ZFYVE28: variants seen among roughly 807,000 people sequenced by gnomAD.
ZFYVE28 encodes zinc finger FYVE-type containing 28.
In ZFYVE28, 40 loss-of-function variants were observed where a neutral mutation model predicts 82.1. The ratio of observed to expected loss-of-function variants is 0.49; its 90% CI spans 0.38 to 0.63. The LOEUF (loss-of-function observed/expected upper bound fraction) is 0.63, where lower values mean the gene tolerates loss of function less well. Among genes scored for constraint, ZFYVE28 ranks in the 30% least tolerant of loss-of-function variants. The probability of loss-of-function intolerance (pLI) is 0.00; values close to 1 mark genes in which losing one functional copy is unlikely to be tolerated. For missense variants in ZFYVE28, 1,321 were observed against 1,242.1 expected, an observed-to-expected ratio of 1.06 and a Z score of -0.96; for synonymous variants, 612 against 546.1, an observed-to-expected ratio of 1.12 and a Z score of -1.68.
intron 8 of ZFYVE28, among the ~76,000 whole-genome samples, chr4:2,288,790 T>TA (rs1193403793): frequency 6.7e-6 from 1 of 149,774 alleles, no homozygotes; most frequent in Non-Finnish European, 1.5e-5. Flanking sequence ...TCAGCCTGGG[T>TA]AACACAGTGA....
chr4:2,371,912 C>T (rs973149628), intron 1 of ZFYVE28, among the ~76,000 whole-genome samples: 33 of 151,946 alleles, frequency 2.2e-4, no homozygotes, highest in African/African-American at 8.0e-4. Context: ...GCTCCAGGGC[C>T]GTGAGCTGAT....
chr4:2,372,834 C>T lies in ZFYVE28; in HGVS notation c.40-18761G>A, dbSNP rs1234360678. 2.0e-5 allele frequency among the ~76,000 whole-genome samples: 3 copies of T among 152,130 alleles called. No individual in the cohort carries two copies. The highest frequency in any genetic ancestry group is 2.1e-4 in the South Asian group (1 of 4,826). ...ACCTAGCCTCCCCGAGGCCTCTCCC[C>T]ATGGCTGACTCACTGCAGCCTGGAC... On this transcript the variant is annotated intron_variant, in intron 1 of 12. Coordinates refer to ENST00000290974, the MANE Select transcript of ZFYVE28 (RefSeq NM_020972.3). This position sits in a 1 kb window ranked among gnomAD's most constrained non-coding sequence, Gnocchi z 5.2.
chr4:2,384,217 G>A (rs1193061452), intron 1 of ZFYVE28, among the ~76,000 whole-genome samples: 3 of 152,298 alleles, frequency 2.0e-5, no homozygotes, highest in South Asian at 2.1e-4. Flanking sequence ...TTCGACAAAC[G>A]CTGAGGAACC....
At chr4:2,330,749 G>T in intron 6 of ZFYVE28, 1 of 1,498,088 alleles carries the variant, frequency 6.7e-7, no homozygotes, top group Non-Finnish European at 8.9e-7. Context: ...GGACAGTGCG[G>T]GGGAGGGGAC....
rs550039563 is a variant in ZFYVE28, at chr4:2,409,984, A to T, written c.39+8301T>A. On this transcript the variant is annotated intron_variant, in intron 1 of 12. Transcript: ENST00000290974. The surrounding 1 kb of genome is among the most constrained non-coding windows in gnomAD (Gnocchi z 4.4). ...CCCCAAGTCAGCTGCCTACGCAGAA[A>T]GCCAAACTCAGGAACCATGGCTCTG... Among the ~76,000 whole-genome samples the T allele has an allele frequency of 2.0e-5, 3 of 152,350 alleles. No individual in the cohort carries two copies. The highest frequency in any genetic ancestry group is 4.4e-5 in the Non-Finnish European group (3 of 68,036).
intron 7 of ZFYVE28, among the ~76,000 whole-genome samples, chr4:2,309,257 T>G (rs777780530): frequency 6.6e-6 from 1 of 152,190 alleles, no homozygotes; most frequent in Non-Finnish European, 1.5e-5. Flanking sequence ...TGCCACGTTA[T>G]GACAGAGCAC....
At chr4:2,337,326 A>G in intron 5 of ZFYVE28, 81 bp downstream of exon 5, 1 of 1,286,276 alleles carries the variant, frequency 7.8e-7, no homozygotes, top group East Asian at 2.6e-5. Context: ...GTTCCCCCAG[A>G]GCTGCCCTCT....
intron 7 of ZFYVE28, 69 bp from the exon 8 acceptor site, chr4:2,305,605 G>T (rs1716447256): frequency 3.8e-6 from 6 of 1,580,906 alleles, no homozygotes; most frequent in Admixed American, 1.8e-5. Context: ...GCCAGGAGTG[G>T]ACGCAGCACC....
intron 7 of ZFYVE28, among the ~76,000 whole-genome samples, chr4:2,313,003 C>T (rs1020667120): frequency 1.3e-5 from 2 of 151,442 alleles, no homozygotes; most frequent in Non-Finnish European, 2.9e-5. Flanking sequence ...CAAGATCATG[C>T]GAACTGCACT....
intron 7 of ZFYVE28, among the ~76,000 whole-genome samples, chr4:2,308,683 G>GAAAGAAAGAAAGAAAGAGAAAGAAAGA (rs1553830773): frequency 3.2e-3 from 258 of 81,450 alleles, no homozygotes; most frequent in Non-Finnish European, 4.1e-3. Flanking sequence ...GAAAGAGAAA[G>GAAAGAAAGAAAGAAAGAGAAAGAAAGA]AAAGAAAAGA....
intron 1 of ZFYVE28, among the ~76,000 whole-genome samples, chr4:2,397,086 T>A (rs1730557923): frequency 6.6e-6 from 1 of 152,224 alleles, no homozygotes; most frequent in South Asian, 2.1e-4. Context: ...CAAACATTTT[T>A]CTATTATTTG....
chr4:2,296,264 G>C (rs372065237), intron 8 of ZFYVE28, among the ~76,000 whole-genome samples: 7 of 152,314 alleles, frequency 4.6e-5, no homozygotes, highest in East Asian at 1.9e-4. Flanking sequence ...CTTGCAGGGC[G>C]ATCACTGTCC....
At chr4:2,292,807 G>A (rs2108812473) in intron 8 of ZFYVE28, among the ~76,000 whole-genome samples, 1 of 152,252 alleles carries the variant, frequency 6.6e-6, no homozygotes, top group East Asian at 1.9e-4. Flanking sequence ...AGCTCCTCCT[G>A]GACAGCCATG....
At chr4:2,318,489 G>A (rs1055895739) in intron 7 of ZFYVE28, among the ~76,000 whole-genome samples, 9 of 152,288 alleles carry the variant, frequency 5.9e-5, no homozygotes, top group African/African-American at 9.6e-5. Context: ...ACTTGGAGGC[G>A]GAGACTGCAG....
intron 1 of ZFYVE28, among the ~76,000 whole-genome samples, chr4:2,361,526 T>C (rs1726154698): frequency 1.3e-5 from 2 of 152,116 alleles, no homozygotes; most frequent in Admixed American, 1.3e-4. Context: ...TTACACGCAC[T>C]ACCCCACCCA....
intron 1 of ZFYVE28, among the ~76,000 whole-genome samples, chr4:2,355,985 ACAGACTCCCATCTCCGTCGGGGC>A (rs1725256309): frequency 6.6e-6 from 1 of 152,210 alleles, no homozygotes; most frequent in African/African-American, 2.4e-5. Flanking sequence ...CGTGTTCCCC[ACAGACTCCCATCTCCGTCGGGGC>A]CGTTTCCTCC....
In ZFYVE28 at chr4:2,335,036, G is replaced by A. The variant is rs1280031999; in HGVS notation, c.701+669C>T. Among the ~76,000 whole-genome samples, 1 of 150,936 alleles carries A rather than the reference G, an allele frequency of 6.6e-6. No homozygotes were observed. The highest frequency in any genetic ancestry group is 1.5e-5 in the Non-Finnish European group (1 of 67,648). On this transcript the variant is annotated intron_variant, in intron 6 of 12. Transcript: ENST00000290974. The surrounding 1 kb of genome is among the most constrained non-coding windows in gnomAD (Gnocchi z 5.8). ...CCAGACAGCTCAGAGACGCTAAGCAGGTGACCCCGCGCATCCTGCCTCGGT... is the reference window on the plus strand; with the variant it reads ...CCAGACAGCTCAGAGACGCTAAGCAAGTGACCCCGCGCATCCTGCCTCGGT...
intron 1 of ZFYVE28, among the ~76,000 whole-genome samples, chr4:2,388,551 G>T (rs1729508961): frequency 6.6e-6 from 1 of 152,156 alleles, no homozygotes; most frequent in Non-Finnish European, 1.5e-5. Flanking sequence ...ACCCACCCAG[G>T]CAGCCTCTTT....
intron 1 of ZFYVE28, among the ~76,000 whole-genome samples, chr4:2,380,356 G>A (rs941111963): frequency 2.0e-5 from 3 of 152,304 alleles, no homozygotes; most frequent in Admixed American, 6.5e-5. Flanking sequence ...TAGCAGGAGC[G>A]GGGAGAGCAA....
Sources: allele counts gnomAD v4.1 joint callset (sites outside exome capture counted in the v4.1 genomes callset), GRCh38; gene constraint gnomAD v4.1.1; non-coding constraint Gnocchi (gnomAD v3.1); transcripts MANE v1.5; gene names NCBI Gene and HGNC (gene_info 2026-07-23, HGNC 2026-07-21).